Variants in BANK1 observed in about 807,000 individuals in gnomAD.
The protein encoded by BANK1 is B-cell scaffold protein with ankyrin repeats.
Under a neutral mutation model 94.5 loss-of-function variants are expected in BANK1, and 95 were observed. The observed-to-expected ratio is 1.00, with a 90% confidence interval of 0.85 to 1.19. BANK1 has a LOEUF of 1.19. Ranked by LOEUF, BANK1 falls within the 50% of genes most tolerant of loss-of-function variation. BANK1 has a pLI of 0.00. For synonymous variants in BANK1, 334 were observed against 308.4 expected (o/e 1.08, Z -0.87); for missense variants, 987 against 932.2 (o/e 1.06, Z -0.77).
chr4:101,933,486 G>T (rs1723427279), intron 7 of BANK1, among the ~76,000 whole-genome samples: 1 of 151,480 alleles, frequency 6.6e-6, no homozygotes, highest in Non-Finnish European at 1.5e-5. Context: ...CCTAATAAAG[G>T]TGAGTATTTT....
At chr4:102,002,150 A>ATATG (rs1560678481) in intron 7 of BANK1, among the ~76,000 whole-genome samples, 1 of 152,158 alleles carries the variant, frequency 6.6e-6, no homozygotes, top group Admixed American at 6.5e-5. Context: ...TGCTCCTCCT[A>ATATG]TATGTACCAT....
At chr4:101,889,472 C>T (rs1721766568) in intron 5 of BANK1, among the ~76,000 whole-genome samples, 1 of 151,430 alleles carries the variant, frequency 6.6e-6, no homozygotes, top group African/African-American at 2.4e-5. Flanking sequence ...GTGGCGGGCG[C>T]CTGTAGTCCC....
intron 7 of BANK1, among the ~76,000 whole-genome samples, chr4:101,970,880 G>C (rs1421853443): frequency 2.0e-5 from 3 of 152,086 alleles, no homozygotes; most frequent in African/African-American, 7.2e-5. Flanking sequence ...TTTCAGCTAT[G>C]ATCATTTAAA....
chr4:102,073,942 A>G (rs1728839475), intron 16 of BANK1, 63 bp from the exon 17 acceptor site: 1 of 424,658 alleles, frequency 2.4e-6, no homozygotes, highest in Non-Finnish European at 4.1e-6. Flanking sequence ...TTTAATGCCA[A>G]TTAATCAATT....
intron 7 of BANK1, among the ~76,000 whole-genome samples, chr4:101,966,972 AAAAC>A (rs1157504238): frequency 6.6e-6 from 1 of 152,132 alleles, no homozygotes; most frequent in Non-Finnish European, 1.5e-5. Context: ...TGTCACAAGG[AAAAC>A]AAACATTTCC....
intron 7 of BANK1, among the ~76,000 whole-genome samples, chr4:101,964,547 CAGTTTTAA>C (rs1364947803): frequency 2.6e-5 from 4 of 151,858 alleles, no homozygotes; most frequent in Admixed American, 6.6e-5. Context: ...CTTTATATTA[CAGTTTTAA>C]CTAGCATGTA....
chr4:101,911,539 TC>T (rs34612070), intron 6 of BANK1, among the ~76,000 whole-genome samples: 39,471 of 152,010 alleles, frequency 0.26, 5,895 homozygotes, highest in Non-Finnish European at 0.32. Flanking sequence ...TAATTCCCAG[TC>T]CCTAGAAGAA....
Position 101,862,672 on chromosome 4 carries a change from T to A in BANK1, c.763+8T>A, listed in dbSNP as rs747113661. ...GGTGCATGAAAGCTTTAGGTAAGAA[T>A]GTTTATGATTTAATAAGCATAAAAC... is the stretch of plus-strand genomic sequence containing the variant. On this transcript the variant is annotated splice_region_variant and intron_variant, in intron 4 of 16. Coordinates refer to ENST00000322953, the MANE Select transcript of BANK1 (RefSeq NM_017935.5). The A allele has an allele frequency of 6.3e-7, 1 of 1,588,852 alleles. No individual in the cohort carries two copies. Among genetic ancestry groups the A allele is most frequent in the Admixed American group, 1.8e-5 (1 of 54,122 alleles).
Position 102,060,381 on chromosome 4 carries a change from A to G in BANK1, c.2140A>G (p.Ile714Val), listed in dbSNP as rs773855850. 5.0e-6 allele frequency: 8 copies of G among 1,607,474 alleles called. No individual in the cohort carries two copies. The Admixed American group carries it at 5.1e-5, about 10-fold the overall frequency. The change falls in exon 12 of 17, where the codon ATT becomes GTT. Residue 714 changes from isoleucine (I) to valine (V), a missense_variant. Physicochemically the swap from Ile to Val is conservative, Grantham distance 29 (BLOSUM62 3). Transcript: ENST00000322953. ...WQMGKSGLEMIQQEKLRQLRD... is the reference protein window; with the variant it reads ...WQMGKSGLEMVQQEKLRQLRD... ...GATGGGAAAAAGTGGCCTGGAAATG[A>G]TTCAGCAGGTAATATTGGCCCAGTG...
chr4:102,023,949 T>C (rs1179535084), intron 8 of BANK1, among the ~76,000 whole-genome samples: 1 of 152,164 alleles, frequency 6.6e-6, no homozygotes, highest in African/African-American at 2.4e-5. Context: ...GTGTTAAGGA[T>C]AGAAAAATGA....
intron 1 of BANK1, among the ~76,000 whole-genome samples, chr4:101,806,870 C>T (rs948127394): frequency 6.6e-6 from 1 of 152,172 alleles, no homozygotes; most frequent in Non-Finnish European, 1.5e-5. Context: ...TGGCTACTCC[C>T]ATCAGGGACT....
At chr4:101,947,309 A>ATATATATATATATATATGTATGTATG (rs1176507515) in intron 7 of BANK1, among the ~76,000 whole-genome samples, 4 of 67,864 alleles carry the variant, frequency 5.9e-5, no homozygotes, top group African/African-American at 1.8e-4. Flanking sequence ...ATATATATAT[A>ATATATATATATATATATGTATGTATG]TATGTATATG....
chr4:101,883,846 G>A (rs906772339), intron 5 of BANK1, among the ~76,000 whole-genome samples: 1 of 152,118 alleles, frequency 6.6e-6, no homozygotes, highest in Admixed American at 6.6e-5. Flanking sequence ...AAAATTAGAC[G>A]ATCTGCTTCT....
rs568010313 is a variant in BANK1 at position 101,834,344 on chromosome 4, A to G, written c.469+4138A>G. ...TTCTTAGAGTAACTTAGATGTGCCA[A>G]TTGGAAAATATAACCATCTTATTTG... On this transcript the variant is annotated intron_variant, in intron 2 of 16. Transcript: ENST00000322953. Among the ~76,000 whole-genome samples, 141 of 152,294 alleles carry G rather than the reference A, an allele frequency of 9.3e-4. 1 individual carries two copies. Among genetic ancestry groups the G allele is most frequent in the Non-Finnish European group, 1.3e-3 (90 of 68,006 alleles).
intron 7 of BANK1, among the ~76,000 whole-genome samples, chr4:101,967,088 G>A (rs574017265): frequency 2.6e-4 from 40 of 152,162 alleles, no homozygotes; most frequent in Middle Eastern, 3.4e-3. Context: ...GGTAATACGC[G>A]TACTGCTTTT....
Position 101,824,215 on chromosome 4 carries a change from GC to G in BANK1, c.71-5592del, listed in dbSNP as rs561960557. Among the ~76,000 whole-genome samples, 188 of 152,310 alleles carry G rather than the reference GC, an allele frequency of 1.2e-3. 1 individual carries two copies. Among genetic ancestry groups the G allele is most frequent in the African/African-American group, 4.5e-3 (185 of 41,556 alleles). ...ACTAAATCCCTGGAGCTAATGAGCT[GC>G]TGGGCAGGTGCACAGACTGAGGAAG... is the stretch of plus-strand genomic sequence containing the variant. On this transcript the variant is annotated intron_variant, in intron 1 of 16. Transcript: ENST00000322953.
rs543811296 is a variant in BANK1, at chr4:101,957,883, C to T, written c.1206+39694C>T. 9.5e-4 allele frequency among the ~76,000 whole-genome samples: 130 copies of T among 137,264 alleles called. 1 individual carries two copies. The highest frequency in any genetic ancestry group is 3.4e-3 in the African/African-American group (121 of 36,106). 90.1% of individuals were successfully genotyped at this position (137,264 alleles called of 152,430 possible). ...TTTTTGAGACGGAGTCTCGCTCTGT[C>T]GCCCAGGCTGGAATGCAGTGGCCTG... On this transcript the variant is annotated intron_variant, in intron 7 of 16. Coordinates refer to ENST00000322953, the MANE Select transcript of BANK1 (RefSeq NM_017935.5).
At chr4:101,950,744 C>T (rs1056673683) in intron 7 of BANK1, among the ~76,000 whole-genome samples, 1 of 152,148 alleles carries the variant, frequency 6.6e-6, no homozygotes, top group African/African-American at 2.4e-5. Context: ...CTGACAAACA[C>T]TACCTCAGCC....
intron 5 of BANK1, among the ~76,000 whole-genome samples, chr4:101,877,770 A>G (rs1295064674): frequency 1.3e-5 from 2 of 152,254 alleles, no homozygotes; most frequent in South Asian, 2.1e-4. Context: ...CTGTAATCCC[A>G]GCTACTTGGG....
Sources: allele counts gnomAD v4.1 joint callset (sites outside exome capture counted in the v4.1 genomes callset), GRCh38; gene constraint gnomAD v4.1.1; transcripts MANE v1.5; gene names NCBI Gene and HGNC (gene_info 2026-07-23, HGNC 2026-07-21).